KCNU1: variants seen among roughly 807,000 people sequenced by gnomAD.
KCNU1 encodes the protein potassium channel subfamily U member 1.
In KCNU1, 93 loss-of-function variants were observed where a neutral mutation model predicts 126.8. That is an observed-to-expected ratio of 0.73 (90% CI 0.62 to 0.87). The LOEUF (loss-of-function observed/expected upper bound fraction) is 0.87, where lower values mean the gene tolerates loss of function less well. Ranked by LOEUF, KCNU1 falls within the 40% of genes least tolerant of loss-of-function variation. The probability of loss-of-function intolerance (pLI) is 0.00; values close to 1 mark genes in which losing one functional copy is unlikely to be tolerated. For missense variants in KCNU1, 1,330 were observed against 1,367.1 expected (o/e 0.97, Z 0.43); for synonymous variants, 523 against 494.2 (o/e 1.06, Z -0.77).
At chr8:36,794,059 A>G (rs1261441234) in intron 2 of KCNU1, among the ~76,000 whole-genome samples, 1 of 146,096 alleles carries the variant, frequency 6.8e-6, no homozygotes, top group Non-Finnish European at 1.5e-5. Context: ...GTCTCTCAAA[A>G]AAAAAAAAAA....
intron 7 of KCNU1, among the ~76,000 whole-genome samples, chr8:36,810,472 G>A (rs1321300836): frequency 2.0e-5 from 3 of 152,162 alleles, no homozygotes; most frequent in Non-Finnish European, 2.9e-5. Context: ...ATCAGATGGC[G>A]TGTGAATTAG....
intron 24 of KCNU1, chr8:36,923,097 G>A: frequency 2.2e-6 from 1 of 456,200 alleles, no homozygotes; most frequent in Admixed American, 2.3e-5. Flanking sequence ...CTCCTCTCAT[G>A]GGGGGCATTC....
chr8:36,913,599 CAT>C (rs1491107347), intron 22 of KCNU1, among the ~76,000 whole-genome samples: 1 of 138,442 alleles, frequency 7.2e-6, no homozygotes, highest in Admixed American at 7.9e-5. Flanking sequence ...AGTGAGGTCA[CAT>C]TTTTTTTTTT....
chr8:36,886,993 C>T (rs1806729948), intron 19 of KCNU1, among the ~76,000 whole-genome samples: 1 of 151,962 alleles, frequency 6.6e-6, no homozygotes, highest in East Asian at 1.9e-4. Flanking sequence ...TTTTTTATGG[C>T]TGTGTAGTAT....
intron 24 of KCNU1, among the ~76,000 whole-genome samples, chr8:36,924,018 T>A (rs1808454376): frequency 6.6e-6 from 1 of 152,198 alleles, no homozygotes. Context: ...TTATTCCTGG[T>A]GTCTATTATT....
At chr8:36,821,094 A>AG (rs1804107207) in intron 10 of KCNU1, among the ~76,000 whole-genome samples, 3 of 152,336 alleles carry the variant, frequency 2.0e-5, no homozygotes, top group Admixed American at 2.0e-4. Context: ...AATGAAAAAA[A>AG]GAAATGCTTC....
At chr8:36,870,847 A>G (rs1261152152) in intron 19 of KCNU1, among the ~76,000 whole-genome samples, 1 of 152,160 alleles carries the variant, frequency 6.6e-6, no homozygotes, top group African/African-American at 2.4e-5. Context: ...TGTTCTGGAA[A>G]TCTACATTCA....
intron 18 of KCNU1, among the ~76,000 whole-genome samples, chr8:36,846,209 G>T (rs560252174): frequency 8.5e-5 from 13 of 152,274 alleles, no homozygotes; most frequent in South Asian, 8.3e-4. Flanking sequence ...CTGACTTTCA[G>T]CCCATTGCTT....
At chr8:36,825,405 A>G (rs191673677) in intron 10 of KCNU1, among the ~76,000 whole-genome samples, 5 of 152,272 alleles carry the variant, frequency 3.3e-5, no homozygotes, top group Non-Finnish European at 7.4e-5. Context: ...AGCTTATTTC[A>G]TGTTATAAAA....
chr8:36,886,242 T>G (rs1231665947), intron 19 of KCNU1, among the ~76,000 whole-genome samples: 1 of 152,172 alleles, frequency 6.6e-6, no homozygotes, highest in African/African-American at 2.4e-5. Context: ...AACAGTGCAA[T>G]TCCTAGCTAG....
chr8:36,934,176 A>G (rs527611473), intron 26 of KCNU1, among the ~76,000 whole-genome samples: 1 of 152,234 alleles, frequency 6.6e-6, no homozygotes, highest in Admixed American at 6.5e-5. Flanking sequence ...AACAGCTAGG[A>G]CACGGCCAGG....
At chr8:36,923,692 T>C (rs1808442267) in intron 24 of KCNU1, among the ~76,000 whole-genome samples, 1 of 152,202 alleles carries the variant, frequency 6.6e-6, no homozygotes, top group African/African-American at 2.4e-5. Context: ...TTATCCCTTA[T>C]GCATTTGGGT....
intron 22 of KCNU1, among the ~76,000 whole-genome samples, chr8:36,913,028 G>A (rs1028667961): frequency 6.7e-6 from 1 of 149,828 alleles, no homozygotes; most frequent in African/African-American, 2.5e-5. Flanking sequence ...TATAAGCCCA[G>A]GATAACTGAC....
intron 2 of KCNU1, among the ~76,000 whole-genome samples, chr8:36,791,091 A>G (rs573445269): frequency 4.6e-4 from 70 of 152,188 alleles, no homozygotes; most frequent in African/African-American, 1.7e-3. Flanking sequence ...ATTCCCTTCA[A>G]AAAAGCATGT....
intron 10 of KCNU1, among the ~76,000 whole-genome samples, chr8:36,818,169 C>A (rs780885586): frequency 2.6e-5 from 4 of 152,246 alleles, no homozygotes; most frequent in Admixed American, 6.5e-5. Context: ...GTCTATCTTT[C>A]CACTAGCAGA....
chr8:36,900,996 G>A (rs1807396302), intron 19 of KCNU1, among the ~76,000 whole-genome samples: 1 of 151,898 alleles, frequency 6.6e-6, no homozygotes, highest in Admixed American at 6.6e-5. Flanking sequence ...CATCTGTGGG[G>A]TTTTAAGGAA....
chr8:36,808,669 T>C, intron 6 of KCNU1, 49 bp from the exon 7 acceptor site: 1 of 1,157,312 alleles, frequency 8.6e-7, no homozygotes. Context: ...GTGTTTGTGT[T>C]GTTCTGGAAT....
At chr8:36,869,753 T>C (rs537368263) in intron 19 of KCNU1, among the ~76,000 whole-genome samples, 2 of 152,308 alleles carry the variant, frequency 1.3e-5, no homozygotes, top group East Asian at 1.9e-4. Context: ...GTGCCTAATA[T>C]ACATAGTGAA....
At position 36,930,950 on chromosome 8, in the gene KCNU1, G is replaced by C. The variant is rs754950185; in HGVS notation, c.2737-1G>C. The C allele has an allele frequency of 1.3e-6, 2 of 1,596,384 alleles. No homozygotes were observed. Among genetic ancestry groups the C allele is most frequent in the Non-Finnish European group, 1.7e-6 (2 of 1,170,884 alleles). On this transcript the variant is annotated splice_acceptor_variant, in intron 24 of 26. Coordinates refer to ENST00000399881, the MANE Select transcript of KCNU1 (RefSeq NM_001031836.3). LOFTEE classifies it high-confidence loss of function. ...GCATGTGGCTTGTCCTTGTTTTCCA[G>C]GCCTTCTACAATTATCATGTCCTGG...
Sources: allele counts gnomAD v4.1 joint callset (sites outside exome capture counted in the v4.1 genomes callset), GRCh38; gene constraint gnomAD v4.1.1; transcripts MANE v1.5; gene names NCBI Gene and HGNC (gene_info 2026-07-23, HGNC 2026-07-21).